SNTG1: variants seen among roughly 807,000 people sequenced by gnomAD.
SNTG1 encodes gamma-1-syntrophin.
A neutral mutation model predicts 74.7 loss-of-function variants in SNTG1; 39 were observed. That is an observed-to-expected ratio of 0.52 (90% confidence interval 0.40 to 0.68). The LOEUF (loss-of-function observed/expected upper bound fraction) is 0.68. SNTG1 is among the 30% of genes least tolerant of loss of function. The pLI, the probability that SNTG1 is intolerant of heterozygous loss-of-function variation, is 0.00. For missense variants in SNTG1, 685 were observed against 609.5 expected (o/e 1.12, Z -1.30); for synonymous variants, 254 against 217.1 (o/e 1.17, Z -1.49).
chr8:50,099,146 G>A (rs1586262425), intron 1 of SNTG1, among the ~76,000 whole-genome samples: 1 of 152,130 alleles, frequency 6.6e-6, no homozygotes, highest in Admixed American at 6.5e-5. Flanking sequence ...TTGAACTGGA[G>A]AGCTATTTGG....
intron 2 of SNTG1, among the ~76,000 whole-genome samples, chr8:50,204,213 A>G (rs1049222553): frequency 6.6e-6 from 1 of 152,154 alleles, no homozygotes; most frequent in Non-Finnish European, 1.5e-5. Flanking sequence ...TATTTTCTTC[A>G]AGTGAAGAAC....
intron 1 of SNTG1, among the ~76,000 whole-genome samples, chr8:49,928,343 G>A (rs937341031): frequency 1.3e-5 from 2 of 151,312 alleles, no homozygotes; most frequent in South Asian, 4.2e-4. Flanking sequence ...CGATTCTCCA[G>A]CCTCAGCCTC....
At chr8:50,563,573 A>T (rs1371093197) in intron 12 of SNTG1, among the ~76,000 whole-genome samples, 1 of 152,048 alleles carries the variant, frequency 6.6e-6, no homozygotes, top group African/African-American at 2.4e-5. Context: ...CTGATAGACA[A>T]ATTTTTTTTA....
At chr8:50,685,210 A>G (rs1160523490) in intron 15 of SNTG1, among the ~76,000 whole-genome samples, 3 of 152,158 alleles carry the variant, frequency 2.0e-5, no homozygotes, top group Admixed American at 6.5e-5. Context: ...CAAACATAGG[A>G]AAATAACCTT....
chr8:50,368,806 C>T (rs1443811550), intron 2 of SNTG1, among the ~76,000 whole-genome samples: 1 of 152,164 alleles, frequency 6.6e-6, no homozygotes, highest in Non-Finnish European at 1.5e-5. Flanking sequence ...ATTGCCCTTG[C>T]TAGGTTTTCT....
chr8:50,469,898 G>T (rs182160996), intron 8 of SNTG1, among the ~76,000 whole-genome samples: 1 of 152,264 alleles, frequency 6.6e-6, no homozygotes, highest in Non-Finnish European at 1.5e-5. Flanking sequence ...AAAATTGCTT[G>T]AACTGGGAGG....
At chr8:50,569,545 AAAC>A (rs2094535338) in intron 12 of SNTG1, among the ~76,000 whole-genome samples, 1 of 148,714 alleles carries the variant, frequency 6.7e-6, no homozygotes, top group Non-Finnish European at 1.5e-5. Flanking sequence ...AACAAACAAA[AAAC>A]AAAAAAAAAA....
chr8:50,053,105 C>T (rs1476126192), intron 1 of SNTG1, among the ~76,000 whole-genome samples: 1 of 152,078 alleles, frequency 6.6e-6, no homozygotes, highest in Non-Finnish European at 1.5e-5. Context: ...AATGAACACA[C>T]ATTAACAGAA....
intron 4 of SNTG1, among the ~76,000 whole-genome samples, chr8:50,428,139 A>C (rs1288619718): frequency 1.3e-5 from 2 of 152,114 alleles, no homozygotes; most frequent in Non-Finnish European, 2.9e-5. Flanking sequence ...CATAAACTAC[A>C]TTTCTACAAA....
chr8:50,778,838 T>A (rs910934860), intron 18 of SNTG1, among the ~76,000 whole-genome samples: 6 of 151,980 alleles, frequency 3.9e-5, no homozygotes, highest in African/African-American at 1.5e-4. Context: ...TGGTTTCAGG[T>A]CTAACATTTA....
At chr8:50,567,577 T>C (rs970837210) in intron 12 of SNTG1, among the ~76,000 whole-genome samples, 3 of 152,104 alleles carry the variant, frequency 2.0e-5, no homozygotes, top group African/African-American at 7.2e-5. Context: ...TATGTATCGG[T>C]GGAGTAAACT....
At chr8:50,528,689 A>T (rs1230481516) in intron 9 of SNTG1, among the ~76,000 whole-genome samples, 1 of 151,506 alleles carries the variant, frequency 6.6e-6, no homozygotes, top group Non-Finnish European at 1.5e-5. Context: ...AATTTCTTTC[A>T]TGAAGTTATT....
intron 8 of SNTG1, among the ~76,000 whole-genome samples, chr8:50,483,729 G>C (rs530967973): frequency 8.3e-4 from 126 of 152,180 alleles, no homozygotes. Flanking sequence ...GTGATAATAC[G>C]CATAAACAAA....
At chr8:50,266,891 C>T (rs193268697) in intron 2 of SNTG1, among the ~76,000 whole-genome samples, 100 of 152,026 alleles carry the variant, frequency 6.6e-4, no homozygotes, top group Non-Finnish European at 1.1e-3. Context: ...GAAGCCACTC[C>T]CCTTGGGTAT....
At chr8:50,282,843 A>G (rs2088552709) in intron 2 of SNTG1, among the ~76,000 whole-genome samples, 1 of 152,178 alleles carries the variant, frequency 6.6e-6, no homozygotes, top group Non-Finnish European at 1.5e-5. Context: ...TCCTAGTATG[A>G]CATTCCATCC....
At chr8:50,094,614 C>G (rs2079859885) in intron 1 of SNTG1, among the ~76,000 whole-genome samples, 1 of 151,922 alleles carries the variant, frequency 6.6e-6, no homozygotes, top group Admixed American at 6.6e-5. Flanking sequence ...TAGAGAAATG[C>G]AAATCAAATC....
chr8:50,257,639 G>T (rs958452722), intron 2 of SNTG1, among the ~76,000 whole-genome samples: 1 of 152,122 alleles, frequency 6.6e-6, no homozygotes, highest in African/African-American at 2.4e-5. Context: ...AGTCCTTGGC[G>T]ATGGCCTTGA....
chr8:50,162,343 A>T (rs1278214572), intron 1 of SNTG1, among the ~76,000 whole-genome samples: 1 of 152,012 alleles, frequency 6.6e-6, no homozygotes, highest in Non-Finnish European at 1.5e-5. Flanking sequence ...CGGGCGTATC[A>T]CGAGGTCAGG....
At chr8:49,980,607 GCCGACTCCACTCGCAA>G (rs1307398920) in intron 1 of SNTG1, among the ~76,000 whole-genome samples, 5 of 148,822 alleles carry the variant, frequency 3.4e-5, no homozygotes, top group Admixed American at 6.7e-5. Context: ...CAGCTGCCCA[GCCGACTCCACTCGCAA>G]GAACAGTGTG....
Sources: gnomAD v4.1 joint callset for allele counts (sites outside exome capture counted in the v4.1 genomes callset) on GRCh38, gnomAD v4.1.1 for gene constraint, MANE v1.5 for transcripts, NCBI Gene and HGNC (gene_info 2026-07-23, HGNC 2026-07-21) for gene names.